Variants in UBAP2L observed in about 807,000 individuals in gnomAD.
UBAP2L encodes ubiquitin associated protein 2 like.
UBAP2L carries 12 observed loss-of-function variants against 130.6 expected under a neutral mutation model. The ratio of observed to expected loss-of-function variants is 0.09; its 90% confidence interval spans 0.06 to 0.15. The LOEUF (loss-of-function observed/expected upper bound fraction) is 0.15, where lower values mean the gene tolerates loss of function less well. Ranked by LOEUF, UBAP2L falls within the 10% of genes least tolerant of loss-of-function variation. The probability of loss-of-function intolerance (pLI) is 1.00; values close to 1 mark genes in which losing one functional copy is unlikely to be tolerated. For missense variants in UBAP2L, 965 were observed against 1,332.5 expected, an observed-to-expected ratio of 0.72 and a Z score of 4.29; for synonymous variants, 503 against 524.7, an observed-to-expected ratio of 0.96 and a Z score of 0.57.
rs372246785 is a variant in UBAP2L, at chr1:154,253,478, G to A, written c.1665-422G>A. On this transcript the variant is annotated intron_variant, in intron 14 of 26. Transcript: ENST00000428931. ...CGGCTCACTGCAAGCTGCGCCTCCCGGGTTCATGCCAGTCTCCTGCCTACT... is the reference window on the plus strand; with the variant it reads ...CGGCTCACTGCAAGCTGCGCCTCCCAGGTTCATGCCAGTCTCCTGCCTACT... Among the ~76,000 whole-genome samples the A allele has an allele frequency of 8.5e-5, 12 of 141,898 alleles. 1 individual carries two copies. The South Asian group carries it at 2.3e-3, about 28-fold the overall frequency. The allele number at this position is 141,898 out of a possible 152,430, so 93.1% of individuals were successfully genotyped here.
At chr1:154,229,574 C>A (rs1047076262) in intron 4 of UBAP2L, among the ~76,000 whole-genome samples, 2 of 152,116 alleles carry the variant, frequency 1.3e-5, no homozygotes, top group African/African-American at 2.4e-5. Context: ...GGTGATCCTC[C>A]TACTTCAGCC....
intron 24 of UBAP2L, among the ~76,000 whole-genome samples, chr1:154,264,698 A>G (rs990653088): frequency 1.3e-5 from 2 of 152,072 alleles, no homozygotes; most frequent in South Asian, 2.1e-4. Context: ...CTTCCATCCA[A>G]TATAGGCAGC....
At chr1:154,270,116 C>T in intron 26 of UBAP2L, 84 bp from the exon 27 acceptor site, 1 of 1,463,006 alleles carries the variant, frequency 6.8e-7, no homozygotes, top group East Asian at 2.3e-5. Context: ...AGACAGTTTG[C>T]ACATCTCCAC....
At position 154,246,260 on chromosome 1, in the gene UBAP2L, C is replaced by T; in HGVS notation, c.899C>T (p.Ser300Phe). The T allele has an allele frequency of 6.2e-7, 1 of 1,613,856 alleles. No individual in the cohort carries two copies. Among genetic ancestry groups the T allele is most frequent in the Non-Finnish European group, 8.5e-7 (1 of 1,179,922 alleles). ...KTPSTMENDS[S>F]NLDPSQAPSL... ...CCATCTACAATGGAGAATGATTCAT[C>T]TAATCTGGATCCGTCTCAGGCTCCT... is the stretch of plus-strand genomic sequence containing the variant. Residue 300 changes from serine to phenylalanine, a missense_variant, in exon 11 of 27, where the codon TCT becomes TTT. Physicochemically the swap from Ser to Phe is radical, Grantham distance 155. Around this residue, in one of 9 missense-constraint regions of UBAP2L, gnomAD observed 99 missense variants for 106.4 expected, o/e 0.93. Coordinates refer to ENST00000428931, the MANE Select transcript of UBAP2L (RefSeq NM_014847.4).
intron 24 of UBAP2L, among the ~76,000 whole-genome samples, chr1:154,263,747 A>G (rs1682370801): frequency 6.6e-6 from 1 of 152,160 alleles, no homozygotes; most frequent in Non-Finnish European, 1.5e-5. Flanking sequence ...ATGTTGCTTC[A>G]TTTTTCCATT....
In UBAP2L at chr1:154,270,774, T is replaced by TG; in HGVS notation, c.*479_*480insG. ...AGTTGAAGTGGTTTTTTTTTTGTTT[T>TG]TTTTTTTTTTTTGTACTGTGTCCTC... is the stretch of plus-strand genomic sequence containing the variant. On this transcript the variant is annotated 3_prime_UTR_variant, in exon 27 of 27. Coordinates refer to ENST00000428931, the MANE Select transcript of UBAP2L (RefSeq NM_014847.4). The TG allele has an allele frequency of 2.5e-6, 3 of 1,219,974 alleles. No homozygotes were observed. Among genetic ancestry groups the TG allele is most frequent in the African/African-American group, 1.6e-5 (1 of 63,868 alleles). The allele number at this position is 1,219,974 out of a possible 1,614,324, so 75.6% of individuals were successfully genotyped here.
rs1396620111 is a variant in UBAP2L, at chr1:154,270,678, A to T, written c.*383A>T. 1 of 1,409,472 alleles carries T rather than the reference A, an allele frequency of 7.1e-7. No homozygotes were observed. The highest frequency in any genetic ancestry group is 9.2e-7 in the Non-Finnish European group (1 of 1,088,522). 87.3% of individuals were successfully genotyped at this position (1,409,472 alleles called of 1,614,324 possible). Reference sequence around the variant, plus strand: ...ACAGCCCTAAGTCTCCTTCTTTATTATTAGGAAAACAACAACAACAACAAA... The same window carrying T: ...ACAGCCCTAAGTCTCCTTCTTTATTTTTAGGAAAACAACAACAACAACAAA... On this transcript the variant is annotated 3_prime_UTR_variant, in exon 27 of 27. Coordinates refer to ENST00000428931, the MANE Select transcript of UBAP2L (RefSeq NM_014847.4).
In UBAP2L at chr1:154,255,336, G is replaced by C. The variant is rs1467135616; in HGVS notation, c.2084+10G>C. 1 of 1,612,992 alleles carries C rather than the reference G, an allele frequency of 6.2e-7. No homozygotes were observed. The highest frequency in any genetic ancestry group is 8.5e-7 in the Non-Finnish European group (1 of 1,179,582). On this transcript the variant is annotated intron_variant, in intron 17 of 26. Transcript: ENST00000428931. The stretch of plus-strand genomic sequence containing the variant: ...CCACACAACACAGCAGGTGATTTGG[G>C]GTGAGGATGGAGGTTGGGGTTGGTG...
intron 20 of UBAP2L, chr1:154,257,679 G>T (rs192650636): frequency 5.6e-5 from 27 of 479,422 alleles, no homozygotes; most frequent in Non-Finnish European, 8.9e-5. Context: ...TGTGTTAAGG[G>T]TCAACTGTAA....
chr1:154,243,057 G>T, intron 9 of UBAP2L, 160 bp from the exon 10 acceptor site: 4 of 568,186 alleles, frequency 7.0e-6, no homozygotes, highest in Non-Finnish European at 3.2e-6. Flanking sequence ...AGCATATATT[G>T]AAGGGCTTGA....
intron 11 of UBAP2L, among the ~76,000 whole-genome samples, chr1:154,246,771 A>G (rs999804598): frequency 6.6e-6 from 1 of 152,116 alleles, no homozygotes; most frequent in Non-Finnish European, 1.5e-5. Flanking sequence ...TGTCTTGTAT[A>G]TTTACTTAAA....
At chr1:154,249,113 A>G (rs537974021) in intron 11 of UBAP2L, 126 bp from the exon 12 acceptor site, 23 of 840,432 alleles carry the variant, frequency 2.7e-5, no homozygotes, top group African/African-American at 2.7e-4. Context: ...TATGCTGTAT[A>G]CTCAGTGTGA....
At position 154,257,199 on chromosome 1, in the gene UBAP2L, G is replaced by A; in HGVS notation, c.2294G>A (p.Ser765Asn). The change falls in exon 19 of 27, where the codon AGC becomes AAC. Residue 765 changes from serine to asparagine, a missense_variant. Transcript: ENST00000428931. ...AATAGTGGCAGTAGCCTGGGCCTCA[G>A]CCTAGGCAGCAACTCCACTGTCACA... The part of the protein sequence containing the change: ...SLNSGSSLGL[S>N]LGSNSTVTAS... 6.2e-7 allele frequency: 1 copy of A among 1,614,212 alleles called. No individual in the cohort carries two copies. Among genetic ancestry groups the A allele is most frequent in the African/African-American group, 1.3e-5 (1 of 75,034 alleles).
At chr1:154,262,601 T>C (rs1681929488) in intron 24 of UBAP2L, among the ~76,000 whole-genome samples, 1 of 152,210 alleles carries the variant, frequency 6.6e-6, no homozygotes, top group Non-Finnish European at 1.5e-5. Context: ...TTCACCCTTA[T>C]GTGGGCTCTG....
In UBAP2L at chr1:154,255,219, G is replaced by A. The variant is rs778593165; in HGVS notation, c.1977G>A (p.Thr659=). ...STSSIPPLNE[T]VSAASLLTTT... is the part of the protein sequence containing the mutation. The stretch of plus-strand genomic sequence containing the variant: ...CTAGCATCCCCCCTCTCAATGAAAC[G>A]GTATCTGCAGCTTCCTTACTGACGA... Residue 659 remains threonine (T), a synonymous_variant, in exon 17 of 27, where the codon ACG becomes ACA. Coordinates refer to ENST00000428931, the MANE Select transcript of UBAP2L (RefSeq NM_014847.4). The A allele has an allele frequency of 1.5e-5, 24 of 1,614,152 alleles. No homozygotes were observed. In the South Asian group the frequency reaches 1.5e-4, roughly 10 times the overall value.
chr1:154,266,227 G>T (rs142194494), intron 24 of UBAP2L, among the ~76,000 whole-genome samples: 1 of 152,144 alleles, frequency 6.6e-6, no homozygotes, highest in African/African-American at 2.4e-5. Context: ...GTGTATGCTA[G>T]TGAGGTTTGG....
At chr1:154,222,151 C>CA (rs1553256257) in intron 1 of UBAP2L, among the ~76,000 whole-genome samples, 1 of 151,132 alleles carries the variant, frequency 6.6e-6, no homozygotes, top group Non-Finnish European at 1.5e-5. Flanking sequence ...TGGAGAAATC[C>CA]TTTTTTTTTG....
At chr1:154,227,476 G>T in intron 3 of UBAP2L, 117 bp downstream of exon 3, 1 of 870,064 alleles carries the variant, frequency 1.1e-6, no homozygotes, top group African/African-American at 1.7e-5. Flanking sequence ...AAAGAATTTT[G>T]ACCTGAAATA....
Position 154,270,770 on chromosome 1 carries a change from G to GTTTTTTTTT in UBAP2L, c.*483_*491dup, listed in dbSNP as rs370017648. Reference sequence around the variant, plus strand: ...AATTAGTTGAAGTGGTTTTTTTTTTGTTTTTTTTTTTTTTTTGTACTGTGT... The same window carrying GTTTTTTTTT: ...AATTAGTTGAAGTGGTTTTTTTTTTGTTTTTTTTTTTTTTTTTTTTTTTTTGTACTGTGT... On this transcript the variant is annotated 3_prime_UTR_variant, in exon 27 of 27. Coordinates refer to ENST00000428931, the MANE Select transcript of UBAP2L (RefSeq NM_014847.4). 1.7e-4 allele frequency: 158 copies of GTTTTTTTTT among 922,844 alleles called. 4 individuals are homozygous for GTTTTTTTTT. The highest frequency in any genetic ancestry group is 7.0e-4 in the South Asian group (24 of 34,294). 57.2% of individuals were successfully genotyped at this position (922,844 alleles called of 1,614,324 possible).
Sources: gnomAD v4.1 joint callset for allele counts (sites outside exome capture counted in the v4.1 genomes callset) on GRCh38, gnomAD v4.1.1 for gene constraint, gnomAD v4.1.1 regional missense constraint, MANE v1.5 for transcripts, NCBI Gene and HGNC (gene_info 2026-07-23, HGNC 2026-07-21) for gene names.